ADAMTS10: variants seen among roughly 807,000 people sequenced by gnomAD.
ADAMTS10 encodes the protein A disintegrin and metalloproteinase with thrombospondin motifs 10.
A neutral mutation model predicts 135.9 loss-of-function variants in ADAMTS10; 48 were observed. The observed-to-expected ratio is 0.35, with a 90% confidence interval of 0.28 to 0.45. ADAMTS10 has a LOEUF of 0.45. ADAMTS10 is among the 20% of genes least tolerant of loss of function. The pLI, the probability that ADAMTS10 is intolerant of heterozygous loss-of-function variation, is 1.00. For synonymous variants in ADAMTS10, 621 were observed against 647.5 expected, an observed-to-expected ratio of 0.96 and a Z score of 0.62; for missense variants, 1,131 against 1,565.2, an observed-to-expected ratio of 0.72 and a Z score of 4.68.
chr19:8,583,237 C>G (rs1400582567), intron 25 of ADAMTS10, among the ~76,000 whole-genome samples: 3 of 151,946 alleles, frequency 2.0e-5, no homozygotes, highest in African/African-American at 4.8e-5. Flanking sequence ...ATTAATTGTT[C>G]TCTATCAAAA....
rs1012357291 is a variant in ADAMTS10, at chr19:8,605,346, G to C, written c.101C>G (p.Ser34Cys). ...GGCGATCTCATAGCTCTCCAGACTGGACAGGAACTCATCTGTGGGTGAGGG... is the reference window on the plus strand; with the variant it reads ...GGCGATCTCATAGCTCTCCAGACTGCACAGGAACTCATCTGTGGGTGAGGG... The part of the protein sequence containing the change: ...HAFRSQDEFL[S>C]SLESYEIAFP... The change falls in exon 4 of 26, where the codon TCC becomes TGC. Residue 34 changes from serine (S) to cysteine (C), a missense_variant. Around this residue, in one of 3 missense-constraint regions of ADAMTS10, gnomAD observed 306 missense variants for 344.4 expected, o/e 0.89. Coordinates refer to ENST00000597188, the MANE Select transcript of ADAMTS10 (RefSeq NM_030957.4). The surrounding 1 kb of genome is among the most constrained non-coding windows in gnomAD (Gnocchi z 7.7). The C allele has an allele frequency of 8.1e-6, 13 of 1,601,890 alleles. 1 individual carries two copies. The highest frequency in any genetic ancestry group is 1.3e-5 in the African/African-American group (1 of 74,852).
chr19:8,592,109 TG>T lies in ADAMTS10; in HGVS notation c.1588-7del, dbSNP rs781799076. 3.8e-5 allele frequency: 62 copies of T among 1,613,176 alleles called. 2 individuals are homozygous for T. In the South Asian group the frequency reaches 6.7e-4, roughly 17 times the overall value. The stretch of plus-strand genomic sequence containing the variant: ...CAGACCCGTTTGTAGCACCACTGGG[TG>T]GGGGGAGACAGGAAGGAGTGAGTCC... On this transcript the variant is annotated splice_polypyrimidine_tract_variant and splice_region_variant and intron_variant, in intron 13 of 25. Transcript: ENST00000597188.
At position 8,603,902 on chromosome 19, in the gene ADAMTS10, G is replaced by A; in HGVS notation, c.436-18C>T. 2 of 1,593,228 alleles carry A rather than the reference G, an allele frequency of 1.3e-6. No homozygotes were observed. Among genetic ancestry groups the A allele is most frequent in the South Asian group, 2.3e-5 (2 of 88,742 alleles). ...AGGCCGTGCTGGGTTTTGAGAAGTGGGATAGAAAGCTCTCAGGATCAGGTT... is the reference window on the plus strand; with the variant it reads ...AGGCCGTGCTGGGTTTTGAGAAGTGAGATAGAAAGCTCTCAGGATCAGGTT... On this transcript the variant is annotated intron_variant, in intron 4 of 25. Coordinates refer to ENST00000597188, the MANE Select transcript of ADAMTS10 (RefSeq NM_030957.4).
chr19:8,581,069 G>A, intron 25 of ADAMTS10, 67 bp from the exon 26 acceptor site: 1 of 1,003,592 alleles, frequency 1.0e-6, no homozygotes, highest in Non-Finnish European at 1.5e-6. Context: ...CTGCACACAC[G>A]ACCTGCAGTG....
At chr19:8,607,056 G>A (rs2042729023) in intron 2 of ADAMTS10, among the ~76,000 whole-genome samples, 1 of 152,124 alleles carries the variant, frequency 6.6e-6, no homozygotes, top group South Asian at 2.1e-4. Flanking sequence ...CCCAGACAGG[G>A]TGGGTGCAGG....
rs1010802025 is a variant in ADAMTS10, at chr19:8,580,862, G to C, written c.*31C>G. On this transcript the variant is annotated 3_prime_UTR_variant, in exon 26 of 26. Transcript: ENST00000597188. ...CTGCAGGGCTGGCGGCGGAGACCCC[G>C]CCAGCTGTGGCTCCGGGTGCCGCGC... The C allele has an allele frequency of 6.5e-7, 1 of 1,547,536 alleles. No individual in the cohort carries two copies. The highest frequency in any genetic ancestry group is 8.8e-7 in the Non-Finnish European group (1 of 1,138,580).
Position 8,603,732 on chromosome 19 carries a change from C to G in ADAMTS10, c.588G>C (p.Val196=), listed in dbSNP as rs782048902. Residue 196 remains valine (V), a synonymous_variant, in exon 5 of 26, where the codon GTG becomes GTC. Transcript: ENST00000597188. The stretch of plus-strand genomic sequence containing the variant: ...TCCCCAGAAAGACCGATGTACCTCT[C>G]ACTCCACAGGCTGTGTCCAGGTGGG... ...RHPHLDTACG[V]RDEKPWKGRP... 3.1e-6 allele frequency: 5 copies of G among 1,614,186 alleles called. No individual in the cohort carries two copies. In the Admixed American group the frequency reaches 6.7e-5, roughly 22 times the overall value.
In ADAMTS10 at chr19:8,605,046, C is replaced by G. The variant is rs7255721; in HGVS notation, c.401G>C (p.Ser134Thr). 0.26 allele frequency: 413,056 copies of G among 1,609,244 alleles called. 59,143 individuals carry two copies. Among genetic ancestry groups the G allele is most frequent in the Non-Finnish European group, 0.3 (350,244 of 1,178,070 alleles). The change falls in exon 4 of 26, where the codon AGC (serine) becomes ACC (threonine). Residue 134 changes from serine to threonine, a missense_variant. Ser to Thr is a moderately conservative substitution (Grantham distance 58). Coordinates refer to ENST00000597188, the MANE Select transcript of ADAMTS10 (RefSeq NM_030957.4). This position sits in a 1 kb window ranked among gnomAD's most constrained non-coding sequence, Gnocchi z 7.7. Reference sequence around the variant, plus strand: ...ACAGGTGCTGATGGCCACATGGGAGCTGCTGGCCTGGCCCTGCAGGTGACC... The same window carrying G: ...ACAGGTGCTGATGGCCACATGGGAGGTGCTGGCCTGGCCCTGCAGGTGACC... ...YAGHLQGQAS[S>T]SHVAISTCGG...
rs1404345640 is a variant in ADAMTS10, at chr19:8,586,468, C to A, written c.2406G>T (p.Val802=). Residue 802 remains valine, a splice_region_variant and synonymous_variant, in exon 21 of 26, where the codon GTG becomes GTT. Coordinates refer to ENST00000597188, the MANE Select transcript of ADAMTS10 (RefSeq NM_030957.4). Reference sequence around the variant, plus strand: ...GGGCAGGCAGCTCGGTCCGGGCCAGCACCTGGAGAAAGGGGGCGGCAGCCA... The same window carrying A: ...GGGCAGGCAGCTCGGTCCGGGCCAGAACCTGGAGAAAGGGGGCGGCAGCCA... The part of the protein sequence containing the change: ...GPINASLIVM[V]LARTELPALR... 6 of 1,613,478 alleles carry A rather than the reference C, an allele frequency of 3.7e-6. 1 individual carries two copies. In the African/African-American group the frequency reaches 5.3e-5, roughly 14 times the overall value.
intron 22 of ADAMTS10, 53 bp from the exon 23 acceptor site, chr19:8,585,713 C>G: frequency 6.4e-7 from 1 of 1,560,650 alleles, no homozygotes; most frequent in South Asian, 1.1e-5. Flanking sequence ...GGTCCCAACA[C>G]AACAGCAGGG....
At position 8,601,611 on chromosome 19, in the gene ADAMTS10, C is replaced by T. The variant is rs2042671067; in HGVS notation, c.593-466G>A. Among the ~76,000 whole-genome samples the T allele has an allele frequency of 1.3e-5, 2 of 152,160 alleles. No individual in the cohort carries two copies. On this transcript the variant is annotated intron_variant, in intron 5 of 25. Coordinates refer to ENST00000597188, the MANE Select transcript of ADAMTS10 (RefSeq NM_030957.4). The surrounding 1 kb of genome is among the most constrained non-coding windows in gnomAD (Gnocchi z 4.6). The stretch of plus-strand genomic sequence containing the variant: ...TCCTGACCTCAAGTGATCCACCCGT[C>T]TCAGCCTCCCAAAGTGCTGGGATTA...
Position 8,591,704 on chromosome 19 carries a change from T to TGTTGGGATTACAGGC in ADAMTS10, c.1797+81_1797+95dup, listed in dbSNP as rs2042530842. On this transcript the variant is annotated intron_variant, in intron 15 of 25. Coordinates refer to ENST00000597188, the MANE Select transcript of ADAMTS10 (RefSeq NM_030957.4). ...ATCCGCCTGCCTTGGCCTCCCAAAGTGTTGGGATTACAGGCGTGAGCCACG... is the reference window on the plus strand; with the variant it reads ...ATCCGCCTGCCTTGGCCTCCCAAAGTGTTGGGATTACAGGCGTTGGGATTACAGGCGTGAGCCACG... 2.1e-6 allele frequency: 3 copies of TGTTGGGATTACAGGC among 1,436,018 alleles called. No individual in the cohort carries two copies. In the Admixed American group the frequency reaches 5.1e-5, roughly 24 times the overall value. 89.0% of individuals were successfully genotyped at this position (1,436,018 alleles called of 1,614,324 possible). A position where few individuals can be genotyped will look rare whatever the true frequency, so the allele number is the denominator to read the frequency against.
In ADAMTS10 at chr19:8,600,699, C is replaced by T. The variant is rs150691147; in HGVS notation, c.810+229G>A. Among the ~76,000 whole-genome samples the T allele has an allele frequency of 0.021, 3,154 of 152,028 alleles. 40 individuals are homozygous for T. The highest frequency in any genetic ancestry group is 0.028 in the Non-Finnish European group (1,936 of 67,962). ...ATTTTTAGTAGAGATGGGGTTTCACCGTGTTAGCCAGGATGGTCTCCATCT... is the reference window on the plus strand; with the variant it reads ...ATTTTTAGTAGAGATGGGGTTTCACTGTGTTAGCCAGGATGGTCTCCATCT... On this transcript the variant is annotated intron_variant, in intron 6 of 25. Coordinates refer to ENST00000597188, the MANE Select transcript of ADAMTS10 (RefSeq NM_030957.4).
At chr19:8,595,928 C>T (rs991732441) in intron 11 of ADAMTS10, 25 bp from the exon 12 acceptor site, 2 of 1,614,050 alleles carry the variant, frequency 1.2e-6, no homozygotes, top group East Asian at 2.2e-5. Context: ...AAGCAACTGT[C>T]ATGCTAGGTG....
At chr19:8,587,333 CTTTTTTTTTTT>C (rs559435857) in intron 18 of ADAMTS10, among the ~76,000 whole-genome samples, 1 of 77,452 alleles carries the variant, frequency 1.3e-5, no homozygotes, top group Non-Finnish European at 2.2e-5. Flanking sequence ...ACTAAAAAAC[CTTTTTTTTTTT>C]TTTTTTTTTT....
At chr19:8,592,528 G>A (rs981050409) in intron 13 of ADAMTS10, among the ~76,000 whole-genome samples, 4 of 152,050 alleles carry the variant, frequency 2.6e-5, no homozygotes, top group African/African-American at 7.2e-5. Context: ...GGCCAACGCG[G>A]GAGGGAGTTA....
chr19:8,601,177 C>A lies in ADAMTS10; in HGVS notation c.593-32G>T. 1 of 1,608,020 alleles carries A rather than the reference C, an allele frequency of 6.2e-7. No homozygotes were observed. Among genetic ancestry groups the A allele is most frequent in the Non-Finnish European group, 8.5e-7 (1 of 1,178,648 alleles). On this transcript the variant is annotated intron_variant, in intron 5 of 25. Coordinates refer to ENST00000597188, the MANE Select transcript of ADAMTS10 (RefSeq NM_030957.4). This position sits in a 1 kb window ranked among gnomAD's most constrained non-coding sequence, Gnocchi z 4.6. ...AACCCAGTAGAGCAATTAAGCCCTG[C>A]CCTGCTGGTGGGACGCAGAGCTGCC...
intron 16 of ADAMTS10, 108 bp downstream of exon 16, chr19:8,589,781 G>C: frequency 7.0e-7 from 1 of 1,422,964 alleles, no homozygotes; most frequent in Non-Finnish European, 9.7e-7. Context: ...TCCCCGGGTG[G>C]GGACAGGGCT....
intron 25 of ADAMTS10, 127 bp from the exon 26 acceptor site, chr19:8,581,129 A>AAT: frequency 7.9e-5 from 10 of 126,882 alleles, no homozygotes; most frequent in Non-Finnish European, 1.0e-4. Context: ...TTTTAAATTT[A>AAT]CTTTTTTTTT....
Sources: allele counts gnomAD v4.1 joint callset (sites outside exome capture counted in the v4.1 genomes callset), GRCh38; gene constraint gnomAD v4.1.1; regional missense constraint gnomAD v4.1.1; non-coding constraint Gnocchi (gnomAD v3.1); transcripts MANE v1.5; gene names NCBI Gene and HGNC (gene_info 2026-07-23, HGNC 2026-07-21).